EXD3: variants seen among roughly 807,000 people sequenced by gnomAD.
EXD3 encodes exonuclease mut-7 homolog.
EXD3 carries 92 observed loss-of-function variants against 98.0 expected under a neutral mutation model. That is an observed-to-expected ratio of 0.94 (90% CI 0.79 to 1.12). The LOEUF (loss-of-function observed/expected upper bound fraction) is 1.12. Among genes scored for constraint, EXD3 ranks in the 50% most tolerant of loss-of-function variants. The pLI, the probability that EXD3 is intolerant of heterozygous loss-of-function variation, is 0.00. For missense variants in EXD3, 1,222 were observed against 1,191.6 expected, an observed-to-expected ratio of 1.03 and a Z score of -0.38; for synonymous variants, 569 against 526.0, an observed-to-expected ratio of 1.08 and a Z score of -1.12.
intron 10 of EXD3, chr9:137,353,761 G>A: frequency 1.1e-5 from 11 of 985,702 alleles, no homozygotes; most frequent in Non-Finnish European, 1.3e-5. Flanking sequence ...TGTCAGGCGG[G>A]AAGGGAGGGG....
At chr9:137,411,690 C>CGGGGGT (rs1312236029) in intron 1 of EXD3, among the ~76,000 whole-genome samples, 1 of 43,392 alleles carries the variant, frequency 2.3e-5, no homozygotes, top group Non-Finnish European at 4.6e-5. Flanking sequence ...CAGGCGGAGG[C>CGGGGGT]GGGGGTGGGG....
At chr9:137,320,312 A>G (rs1831964757) in intron 19 of EXD3, among the ~76,000 whole-genome samples, 1 of 152,150 alleles carries the variant, frequency 6.6e-6, no homozygotes, top group African/African-American at 2.4e-5. Flanking sequence ...CTCCAGGCCA[A>G]ATTCCCCGCC....
Position 137,354,384 on chromosome 9 carries a change from A to T in EXD3, c.832-7T>A, listed in dbSNP as rs200312987. 272 of 1,612,222 alleles carry T rather than the reference A, an allele frequency of 1.7e-4. 1 individual carries two copies. Among genetic ancestry groups the T allele is most frequent in the Middle Eastern group, 1.2e-3 (7 of 6,082 alleles). ...TCTCCTGTGACAGGCTCTTCTGCAA[A>T]GGCAAACAGGAAGGGGCGGTTGCCA... On this transcript the variant is annotated splice_region_variant and splice_polypyrimidine_tract_variant and intron_variant, in intron 9 of 21. Transcript: ENST00000340951.
chr9:137,353,405 C>T (rs1427610603), intron 10 of EXD3: 1 of 985,246 alleles, frequency 1.0e-6, no homozygotes, highest in Non-Finnish European at 1.2e-6. Context: ...CCACGCTCCT[C>T]CTCTTGCCAG....
At chr9:137,394,868 C>A (rs1837127257) in intron 2 of EXD3, among the ~76,000 whole-genome samples, 1 of 152,150 alleles carries the variant, frequency 6.6e-6, no homozygotes, top group African/African-American at 2.4e-5. Flanking sequence ...CACCCTGGAA[C>A]CGCCCGAGAC....
chr9:137,324,196 C>T lies in EXD3; in HGVS notation c.1999-53G>A. On this transcript the variant is annotated intron_variant, in intron 17 of 21. Transcript: ENST00000340951. The surrounding 1 kb of genome is among the most constrained non-coding windows in gnomAD (Gnocchi z 4.1). ...AAGGGGGCAGCTCCGTGCTCCTGGA[C>T]TGGGCCACCTCTGCTCGCCACCCCC... 6.8e-7 allele frequency: 1 copy of T among 1,479,538 alleles called. No homozygotes were observed. Among genetic ancestry groups the T allele is most frequent in the Non-Finnish European group, 9.2e-7 (1 of 1,083,404 alleles). 91.7% of individuals were successfully genotyped at this position (1,479,538 alleles called of 1,614,324 possible). A position where few individuals can be genotyped will look rare whatever the true frequency, so the allele number is the denominator to read the frequency against.
chr9:137,375,229 G>A (rs980880363), intron 3 of EXD3, among the ~76,000 whole-genome samples: 4 of 152,104 alleles, frequency 2.6e-5, no homozygotes, highest in South Asian at 2.1e-4. Context: ...GGATGGTCTC[G>A]ATCTCCTGAC....
intron 17 of EXD3, among the ~76,000 whole-genome samples, chr9:137,328,734 A>G (rs1208246385): frequency 2.1e-5 from 1 of 48,464 alleles, no homozygotes; most frequent in African/African-American, 1.2e-4. Context: ...ACACGGGACT[A>G]CACGGGGCTA....
rs1005929894 is a variant in EXD3, at chr9:137,405,793, G to C, written c.-47-10389C>G. ...CTCCTGCCGGCCGGCACAGGGGTGG[G>C]TACCATGCACATGGTCTCCCCGCCC... On this transcript the variant is annotated intron_variant, in intron 1 of 21. Coordinates refer to ENST00000340951, the MANE Select transcript of EXD3 (RefSeq NM_017820.5). The surrounding 1 kb of genome is among the most constrained non-coding windows in gnomAD (Gnocchi z 4.1). 5.3e-5 allele frequency among the ~76,000 whole-genome samples: 8 copies of C among 152,240 alleles called. No individual in the cohort carries two copies. The highest frequency in any genetic ancestry group is 1.9e-4 in the African/African-American group (8 of 41,452).
At chr9:137,404,737 C>G (rs1837637012) in intron 1 of EXD3, among the ~76,000 whole-genome samples, 1 of 152,006 alleles carries the variant, frequency 6.6e-6, no homozygotes, top group African/African-American at 2.4e-5. Flanking sequence ...GCACATGCCT[C>G]TAATCTCAGC....
intron 14 of EXD3, 136 bp downstream of exon 14, chr9:137,350,902 C>G: frequency 1.4e-6 from 1 of 690,132 alleles, no homozygotes; most frequent in South Asian, 1.8e-5. Flanking sequence ...GCTCTGGGGC[C>G]CTGGTGACTG....
chr9:137,420,220 T>G (rs1431979143), intron 1 of EXD3, among the ~76,000 whole-genome samples: 1 of 152,102 alleles, frequency 6.6e-6, no homozygotes, highest in African/African-American at 2.4e-5. Context: ...AGGCCTGAAA[T>G]GCTTTTTATG....
chr9:137,344,714 C>A (rs1040156530), intron 17 of EXD3, among the ~76,000 whole-genome samples: 2 of 152,204 alleles, frequency 1.3e-5, no homozygotes, highest in Admixed American at 6.6e-5. Flanking sequence ...TAAGAGCGCT[C>A]CCCTCAGTCC....
Position 137,373,657 on chromosome 9 carries a change from G to T in EXD3, c.121-58C>A, listed in dbSNP as rs545204745. The T allele has an allele frequency of 5.0e-4, 749 of 1,510,002 alleles. 4 individuals carry two copies. The African/African-American group carries it at 9.4e-3, about 19-fold the overall frequency. 93.5% of individuals were successfully genotyped at this position (1,510,002 alleles called of 1,614,324 possible). On this transcript the variant is annotated intron_variant, in intron 3 of 21. Transcript: ENST00000340951. The stretch of plus-strand genomic sequence containing the variant: ...TCTTGCACTCAAAGCCTCCTGGCAA[G>T]GCCTCCCCACCGCAGAGAGGTTTTT...
At chr9:137,384,984 C>T (rs1156418787) in intron 2 of EXD3, among the ~76,000 whole-genome samples, 6 of 152,010 alleles carry the variant, frequency 3.9e-5, no homozygotes, top group African/African-American at 9.7e-5. Context: ...CCCAGCTACT[C>T]GGGAGGCTGA....
chr9:137,368,432 C>T lies in EXD3; in HGVS notation c.463-443G>A, dbSNP rs1164745586. Among the ~76,000 whole-genome samples, 7 of 152,334 alleles carry T rather than the reference C, an allele frequency of 4.6e-5. No homozygotes were observed. The East Asian group carries it at 1.4e-3, about 29-fold the overall frequency. Reference sequence around the variant, plus strand: ...ACGGGCCAAGGCTGAGGACCCCCAGCCTCAGCGCATCCTGAGGCCTGGGGG... The same window carrying T: ...ACGGGCCAAGGCTGAGGACCCCCAGTCTCAGCGCATCCTGAGGCCTGGGGG... On this transcript the variant is annotated intron_variant, in intron 5 of 21. Coordinates refer to ENST00000340951, the MANE Select transcript of EXD3 (RefSeq NM_017820.5).
intron 1 of EXD3, among the ~76,000 whole-genome samples, chr9:137,410,634 C>A (rs939581138): frequency 6.6e-6 from 1 of 152,118 alleles, no homozygotes; most frequent in Non-Finnish European, 1.5e-5. Flanking sequence ...TGTTCCCTGG[C>A]CCCACGATCC....
intron 10 of EXD3, chr9:137,353,329 GCC>G: frequency 1.0e-6 from 1 of 985,246 alleles, no homozygotes; most frequent in Non-Finnish European, 1.2e-6. Flanking sequence ...CCAGGCATCT[GCC>G]CCCACCCCGG....
intron 17 of EXD3, among the ~76,000 whole-genome samples, chr9:137,329,672 CGGG>C (rs1832845799): frequency 4.1e-5 from 3 of 73,342 alleles, no homozygotes; most frequent in African/African-American, 1.0e-4. Flanking sequence ...CGGGACTACA[CGGG>C]ACTACACGGG....
Sources: gnomAD v4.1 joint callset for allele counts (sites outside exome capture counted in the v4.1 genomes callset) on GRCh38, gnomAD v4.1.1 for gene constraint, Gnocchi (gnomAD v3.1) non-coding constraint, MANE v1.5 for transcripts, NCBI Gene and HGNC (gene_info 2026-07-23, HGNC 2026-07-21) for gene names.